The following HPS3 variants were observed in gnomAD, a reference collection of about 807,000 sequenced individuals.
HPS3 encodes the protein HPS3 biogenesis of lysosomal organelles complex 2 subunit 1, also known as BLOC-2 complex member HPS3.
A neutral mutation model predicts 110.9 loss-of-function variants in HPS3; 79 were observed. That is an observed-to-expected ratio of 0.71 (90% CI 0.59 to 0.86). HPS3 has a LOEUF of 0.86. Among genes scored for constraint, HPS3 ranks in the 40% least tolerant of loss-of-function variants. HPS3 has a pLI of 0.00. For synonymous variants in HPS3, 428 were observed against 451.0 expected (o/e 0.95, Z 0.65); for missense variants, 1,197 against 1,206.2 (o/e 0.99, Z 0.11).
chr3:149,145,695 C>A, intron 5 of HPS3, 149 bp downstream of exon 5: 1 of 730,576 alleles, frequency 1.4e-6, no homozygotes, highest in Non-Finnish European at 2.5e-6. Flanking sequence ...TTTTGATGAC[C>A]CATACCTGCC....
intron 1 of HPS3, among the ~76,000 whole-genome samples, chr3:149,139,334 A>T (rs1045217607): frequency 2.6e-5 from 4 of 152,156 alleles, no homozygotes; most frequent in Admixed American, 2.0e-4. Flanking sequence ...CCTCTCTGTG[A>T]TCTCTGTTTA....
intron 1 of HPS3, among the ~76,000 whole-genome samples, chr3:149,130,751 G>T (rs1252438407): frequency 6.6e-6 from 1 of 152,152 alleles, no homozygotes; most frequent in Non-Finnish European, 1.5e-5. Flanking sequence ...GCGACAGAGT[G>T]AGACTCCGTC....
rs281865095 is a variant in HPS3, at chr3:149,163,950, G to C, written c.2589+1G>C. 14 of 1,409,456 alleles carry C rather than the reference G, an allele frequency of 9.9e-6. No homozygotes were observed. The highest frequency in any genetic ancestry group is 1.4e-5 in the Non-Finnish European group (14 of 993,978). 87.3% of individuals were successfully genotyped at this position (1,409,456 alleles called of 1,614,324 possible). On this transcript the variant is annotated splice_donor_variant, in intron 14 of 16. Transcript: ENST00000296051. LOFTEE classifies it high-confidence loss of function. ...TACAGAAGATCTTTCAAAATTACAG[G>C]TAAGTAAAAATACCTCCTTTTCTTA...
intron 5 of HPS3, among the ~76,000 whole-genome samples, chr3:149,146,888 T>A (rs752647353): frequency 6.6e-6 from 1 of 152,232 alleles, no homozygotes; most frequent in African/African-American, 2.4e-5. Context: ...GACTTTTTTT[T>A]AAAGTTTTAA....
At chr3:149,130,641 G>A (rs1721709245) in intron 1 of HPS3, among the ~76,000 whole-genome samples, 2 of 152,100 alleles carry the variant, frequency 1.3e-5, no homozygotes, top group South Asian at 4.1e-4. Flanking sequence ...TTAGCCGGAC[G>A]TGGTGGTGGG....
intron 1 of HPS3, chr3:149,130,287 C>A: frequency 1.4e-5 from 5 of 365,960 alleles, no homozygotes; most frequent in African/African-American, 2.1e-5. Flanking sequence ...AAAGACTTAC[C>A]AAAAAAACAA....
At chr3:149,138,338 T>G (rs933256728) in intron 1 of HPS3, among the ~76,000 whole-genome samples, 2 of 152,172 alleles carry the variant, frequency 1.3e-5, no homozygotes, top group East Asian at 3.8e-4. Context: ...CAATTTCAAT[T>G]CATCGGAAAA....
intron 10 of HPS3, 87 bp downstream of exon 10, chr3:149,158,933 T>G: frequency 1.1e-6 from 1 of 920,366 alleles, no homozygotes; most frequent in Non-Finnish European, 1.7e-6. Flanking sequence ...AGAAGTCAGA[T>G]TCCAAATATT....
Position 149,149,646 on chromosome 3 carries a change from T to C in HPS3, c.1164-953T>C, listed in dbSNP as rs181037232. On this transcript the variant is annotated intron_variant, in intron 5 of 16. Transcript: ENST00000296051. ...ATTACTGTTAGGTTTGCTTTAGTCTTTTTTTTTATTTTAAAGAGTTCGTTT... is the reference window on the plus strand; with the variant it reads ...ATTACTGTTAGGTTTGCTTTAGTCTCTTTTTTTATTTTAAAGAGTTCGTTT... 3.4e-3 allele frequency among the ~76,000 whole-genome samples: 520 copies of C among 151,994 alleles called. 10 individuals carry two copies. Among genetic ancestry groups the C allele is most frequent in the Admixed American group, 0.022 (343 of 15,270 alleles).
intron 5 of HPS3, among the ~76,000 whole-genome samples, chr3:149,149,748 A>T (rs971662946): frequency 5.9e-5 from 9 of 152,196 alleles, no homozygotes; most frequent in African/African-American, 2.2e-4. Context: ...CTGTCCCGTC[A>T]CATAATGGAA....
chr3:149,162,441 A>C, intron 12 of HPS3, 108 bp downstream of exon 12: 1 of 1,066,084 alleles, frequency 9.4e-7, no homozygotes, highest in Non-Finnish European at 1.4e-6. Flanking sequence ...TATTGAAAAA[A>C]CAGACATACA....
chr3:149,140,524 C>T (rs1722378248), intron 2 of HPS3, 26 bp downstream of exon 2: 8 of 1,613,320 alleles, frequency 5.0e-6, no homozygotes, highest in Middle Eastern at 1.6e-4. Context: ...GACTTGCTTT[C>T]TTGTTTTAGG....
In HPS3 at chr3:149,163,884, C is replaced by A; in HGVS notation, c.2524C>A (p.His842Asn). The A allele has an allele frequency of 6.3e-7, 1 of 1,585,402 alleles. No homozygotes were observed. Among genetic ancestry groups the A allele is most frequent in the Non-Finnish European group, 8.7e-7 (1 of 1,153,992 alleles). ...TTATGGCTTAATTTATCCATGGGTT[C>A]ACGTCGTAATATCATCTGATTCTTT... ...SHYGLIYPWV[H>N]VVISSDSLAD... Residue 842 changes from histidine to asparagine, a missense_variant, in exon 14 of 17, where the codon CAC (histidine) becomes AAC (asparagine). Transcript: ENST00000296051.
Position 149,158,825 on chromosome 3 carries a change from C to T in HPS3, c.1851C>T (p.Asn617=), listed in dbSNP as rs1406726566. 6 of 1,594,170 alleles carry T rather than the reference C, an allele frequency of 3.8e-6. No homozygotes were observed. The South Asian group carries it at 6.6e-5, about 18-fold the overall frequency. ...ACATTAATCATTCACTTTATGAAAA[C>T]CTGGATGAAGAATTAAATGAAGTGA... ...IFYINHSLYE[N]LDEELNEELA... The change falls in exon 10 of 17, where the codon AAC becomes AAT. Residue 617 remains asparagine, a synonymous_variant. Transcript: ENST00000296051.
At chr3:149,131,724 G>T (rs1721793685) in intron 1 of HPS3, among the ~76,000 whole-genome samples, 1 of 152,194 alleles carries the variant, frequency 6.6e-6, no homozygotes, top group African/African-American at 2.4e-5. Flanking sequence ...TAAATCAAAA[G>T]CTAGAAATGA....
chr3:149,141,466 A>G lies in HPS3; in HGVS notation c.970+86A>G, dbSNP rs1163272975. Reference sequence around the variant, plus strand: ...GGGAGTGAAGACCCATGTGGGTAATAGGTTTGGTGGTTTGGTTCTTCCACT... The same window carrying G: ...GGGAGTGAAGACCCATGTGGGTAATGGGTTTGGTGGTTTGGTTCTTCCACT... On this transcript the variant is annotated intron_variant, in intron 4 of 16. Transcript: ENST00000296051. 18 of 1,036,012 alleles carry G rather than the reference A, an allele frequency of 1.7e-5. No homozygotes were observed. In the African/African-American group the frequency reaches 2.9e-4, roughly 17 times the overall value. 64.2% of individuals were successfully genotyped at this position (1,036,012 alleles called of 1,614,324 possible). A position where few individuals can be genotyped will look rare whatever the true frequency, so the allele number is the denominator to read the frequency against.
chr3:149,166,364 G>C (rs79429329), intron 14 of HPS3, among the ~76,000 whole-genome samples: 2,230 of 152,222 alleles, frequency 0.015, 17 homozygotes, highest in Middle Eastern at 0.041. Context: ...CTACAGGAAG[G>C]GGTGTAAAGA....
chr3:149,165,444 T>C (rs1044691494), intron 14 of HPS3, among the ~76,000 whole-genome samples: 1 of 152,100 alleles, frequency 6.6e-6, no homozygotes, highest in African/African-American at 2.4e-5. Flanking sequence ...GCAAAATCTT[T>C]GCTGTTGAAG....
rs756186027 is a variant in HPS3, at chr3:149,155,165, A to G, written c.1459A>G (p.Asn487Asp). 6.2e-7 allele frequency: 1 copy of G among 1,610,000 alleles called. No individual in the cohort carries two copies. Among genetic ancestry groups the G allele is most frequent in the Non-Finnish European group, 8.5e-7 (1 of 1,176,296 alleles). The change falls in exon 8 of 17, where the codon AAT (asparagine) becomes GAT (aspartate). Residue 487 changes from asparagine to aspartate, a missense_variant. By Grantham distance (23) the Asn-to-Asp change is conservative. Transcript: ENST00000296051. Reference sequence around the variant, plus strand: ...ACCTCCTGTAGCTGAGGCTGGGTGGAATTTGTATATTGTGAATACGATCTC... The same window carrying G: ...ACCTCCTGTAGCTGAGGCTGGGTGGGATTTGTATATTGTGAATACGATCTC... ...KIPPVAEAGW[N>D]LYIVNTISPV... is the part of the protein sequence containing the mutation.
Sources: allele counts gnomAD v4.1 joint callset (sites outside exome capture counted in the v4.1 genomes callset), GRCh38; gene constraint gnomAD v4.1.1; transcripts MANE v1.5; gene names NCBI Gene and HGNC (gene_info 2026-07-23, HGNC 2026-07-21).